CDH4: variants seen among roughly 807,000 people sequenced by gnomAD.
CDH4 encodes the protein cadherin-4.
Under a neutral mutation model 86.0 loss-of-function variants are expected in CDH4, and 33 were observed. The observed-to-expected ratio is 0.38, with a 90% CI of 0.29 to 0.51. The LOEUF is 0.51. CDH4 is among the 20% of genes least tolerant of loss of function. The pLI is 0.86. For synonymous variants in CDH4, 555 were observed against 549.4 expected, an observed-to-expected ratio of 1.01 and a Z score of -0.14; for missense variants, 1,114 against 1,307.4, an observed-to-expected ratio of 0.85 and a Z score of 2.28.
intron 2 of CDH4, among the ~76,000 whole-genome samples, chr20:61,704,144 G>A (rs952784661): frequency 4.6e-5 from 7 of 152,024 alleles, no homozygotes; most frequent in South Asian, 2.1e-4. Context: ...GACAGTCCTC[G>A]GCATCTCCAG....
intron 2 of CDH4, among the ~76,000 whole-genome samples, chr20:61,701,166 G>A (rs1456568690): frequency 4.6e-5 from 7 of 152,156 alleles, no homozygotes; most frequent in Non-Finnish European, 7.3e-5. Flanking sequence ...CTTCCCTCTG[G>A]GAGTGTGTCT....
intron 3 of CDH4, among the ~76,000 whole-genome samples, chr20:61,767,535 C>T (rs1404779099): frequency 6.6e-6 from 1 of 152,176 alleles, no homozygotes; most frequent in South Asian, 2.1e-4. Context: ...GGAGCAGGGC[C>T]TTGGGCGGTG....
chr20:61,866,195 C>A (rs1983541701), intron 6 of CDH4, among the ~76,000 whole-genome samples: 1 of 152,074 alleles, frequency 6.6e-6, no homozygotes, highest in Non-Finnish European at 1.5e-5. Context: ...AGCTTCAGCC[C>A]CTGGGGTATA....
intron 4 of CDH4, among the ~76,000 whole-genome samples, chr20:61,821,045 C>G (rs557368889): frequency 6.6e-6 from 1 of 151,024 alleles, no homozygotes; most frequent in African/African-American, 2.4e-5. Context: ...CGCCCCAAAG[C>G]TTTCACCCCC....
In CDH4 at chr20:61,811,571, C is replaced by G. The variant is rs1240497296; in HGVS notation, c.577-33097C>G. On this transcript the variant is annotated intron_variant, in intron 4 of 15. Transcript: ENST00000614565. This position sits in a 1 kb window ranked among gnomAD's most constrained non-coding sequence, Gnocchi z 4.4. ...AACATCCCAGGGCTCCCTGGCCTTG[C>G]CAGTGCTACTGTGTGAAAGCGGAGC... Among the ~76,000 whole-genome samples the G allele has an allele frequency of 2.0e-5, 3 of 152,150 alleles. No individual in the cohort carries two copies. The highest frequency in any genetic ancestry group is 4.4e-5 in the Non-Finnish European group (3 of 68,018).
Position 61,510,288 on chromosome 20 carries a change from C to G in CDH4, c.170-233275C>G, listed in dbSNP as rs776500123. Among the ~76,000 whole-genome samples, 2 of 152,046 alleles carry G rather than the reference C, an allele frequency of 1.3e-5. No homozygotes were observed. Among genetic ancestry groups the G allele is most frequent in the African/African-American group, 4.8e-5 (2 of 41,374 alleles). On this transcript the variant is annotated intron_variant, in intron 2 of 15. Transcript: ENST00000614565. This position sits in a 1 kb window ranked among gnomAD's most constrained non-coding sequence, Gnocchi z 4.2. ...GTGTGTGCTTTGTGTTTTGGGGGGG[C>G]CAGGAACGTGCATTCAGGGGAGTTT...
chr20:61,413,661 C>G (rs1600954675), intron 2 of CDH4, among the ~76,000 whole-genome samples: 1 of 152,176 alleles, frequency 6.6e-6, no homozygotes, highest in African/African-American at 2.4e-5. Context: ...GTTGGATGGG[C>G]CTTGCACATA....
intron 2 of CDH4, among the ~76,000 whole-genome samples, chr20:61,612,310 A>G (rs1036530302): frequency 6.6e-6 from 1 of 152,146 alleles, no homozygotes; most frequent in Non-Finnish European, 1.5e-5. Context: ...GACCTGTCAA[A>G]CACTAGGTCT....
chr20:61,928,827 C>T (rs2055074399), intron 12 of CDH4, among the ~76,000 whole-genome samples: 3 of 152,198 alleles, frequency 2.0e-5, no homozygotes, highest in Admixed American at 2.0e-4. Flanking sequence ...TGAAAATGTG[C>T]TCTAAACATG....
intron 15 of CDH4, among the ~76,000 whole-genome samples, chr20:61,935,485 CG>C (rs1287031346): frequency 2.0e-5 from 3 of 152,228 alleles, no homozygotes; most frequent in Non-Finnish European, 4.4e-5. Flanking sequence ...TAGCCAGGCG[CG>C]GTGGCTCAGG....
chr20:61,611,734 G>A (rs140184358), intron 2 of CDH4, among the ~76,000 whole-genome samples: 6 of 152,266 alleles, frequency 3.9e-5, no homozygotes, highest in African/African-American at 1.2e-4. Context: ...GCCGCTTGGG[G>A]GACAGGGCTG....
In CDH4 at chr20:61,520,173, A is replaced by T. The variant is rs568222784; in HGVS notation, c.170-223390A>T. Among the ~76,000 whole-genome samples the T allele has an allele frequency of 4.8e-4, 73 of 152,238 alleles. 1 individual carries two copies. The highest frequency in any genetic ancestry group is 1.8e-3 in the African/African-American group (73 of 41,556). ...GTCCATGGAGACACCAACTCAACCC[A>T]TCTGATCTGTCTTCCAGTCTCCAAG... On this transcript the variant is annotated intron_variant, in intron 2 of 15. Transcript: ENST00000614565.
chr20:61,504,241 C>T (rs1289558904), intron 2 of CDH4, among the ~76,000 whole-genome samples: 4 of 152,216 alleles, frequency 2.6e-5, no homozygotes, highest in Non-Finnish European at 5.9e-5. Context: ...GCCTCTGCTG[C>T]CCTCTGTGTT....
At chr20:61,414,524 G>T (rs571941301) in intron 2 of CDH4, among the ~76,000 whole-genome samples, 3 of 152,186 alleles carry the variant, frequency 2.0e-5, no homozygotes, top group Non-Finnish European at 2.9e-5. Context: ...ACCAGCTCCC[G>T]GCAAAGCTGA....
chr20:61,661,064 G>A (rs537483979), intron 2 of CDH4, among the ~76,000 whole-genome samples: 1 of 142,726 alleles, frequency 7.0e-6, no homozygotes, highest in East Asian at 2.1e-4. Flanking sequence ...GGAGGGAGGC[G>A]GCATGGACAG....
intron 2 of CDH4, among the ~76,000 whole-genome samples, chr20:61,711,024 C>CT (rs929158030): frequency 6.6e-6 from 1 of 152,204 alleles, no homozygotes; most frequent in African/African-American, 2.4e-5. Flanking sequence ...AAAATCTCAT[C>CT]TTGAATTATA....
At chr20:61,817,505 T>A (rs1048266891) in intron 4 of CDH4, among the ~76,000 whole-genome samples, 1 of 152,134 alleles carries the variant, frequency 6.6e-6, no homozygotes, top group African/African-American at 2.4e-5. Flanking sequence ...GCTTTTTTTT[T>A]TATTTTTATT....
rs141680684 is a variant in CDH4, at chr20:61,304,381, G to C, written c.169+49444G>C. On this transcript the variant is annotated intron_variant, in intron 2 of 15. Coordinates refer to ENST00000614565, the MANE Select transcript of CDH4 (RefSeq NM_001794.5). ...TCTGATACTGGTTTTCTGCGTCCTA[G>C]TTTTATTATTTCATATTACATTGTA... Among the ~76,000 whole-genome samples, 28 of 151,962 alleles carry C rather than the reference G, an allele frequency of 1.8e-4. No homozygotes were observed. In the East Asian group the frequency reaches 5.2e-3, roughly 28 times the overall value.
intron 2 of CDH4, among the ~76,000 whole-genome samples, chr20:61,304,199 C>G (rs2084401632): frequency 6.6e-6 from 1 of 152,134 alleles, no homozygotes; most frequent in African/African-American, 2.4e-5. Context: ...TTAGGTCTTT[C>G]TCTGCCCATC....
Sources: gnomAD v4.1 joint callset for allele counts (sites outside exome capture counted in the v4.1 genomes callset) on GRCh38, gnomAD v4.1.1 for gene constraint, Gnocchi (gnomAD v3.1) non-coding constraint, MANE v1.5 for transcripts, NCBI Gene and HGNC (gene_info 2026-07-23, HGNC 2026-07-21) for gene names.